Variants in DTNBP1 observed in about 807,000 individuals in gnomAD.
The protein encoded by DTNBP1 is dystrobrevin binding protein 1, also known as dysbindin.
DTNBP1 carries 35 observed loss-of-function variants against 42.8 expected under a neutral mutation model. The observed-to-expected ratio is 0.82, with a 90% CI of 0.63 to 1.09. The LOEUF is 1.09. Ranked by LOEUF, DTNBP1 falls within the 50% of genes least tolerant of loss-of-function variation. The pLI is 0.00. For synonymous variants in DTNBP1, 171 were observed against 162.2 expected, an observed-to-expected ratio of 1.05 and a Z score of -0.41; for missense variants, 457 against 424.2, an observed-to-expected ratio of 1.08 and a Z score of -0.68.
At chr6:15,602,246 G>A (rs995736661) in intron 6 of DTNBP1, among the ~76,000 whole-genome samples, 11 of 152,108 alleles carry the variant, frequency 7.2e-5, no homozygotes, top group African/African-American at 2.7e-4. Flanking sequence ...AAAAAACGGG[G>A]CCAACACAGC....
chr6:15,523,249 C>G, intron 9 of DTNBP1, 30 bp from the exon 10 acceptor site: 1 of 1,613,242 alleles, frequency 6.2e-7, no homozygotes, highest in Non-Finnish European at 8.5e-7. Flanking sequence ...AGAAAAAGCC[C>G]TGTCATAAAA....
chr6:15,572,663 G>A (rs780316136), intron 7 of DTNBP1, among the ~76,000 whole-genome samples: 11 of 152,156 alleles, frequency 7.2e-5, no homozygotes, highest in Middle Eastern at 6.3e-3. Context: ...GGGAACTGAG[G>A]CTCAGAGAGG....
At chr6:15,529,036 GC>G (rs1389287897) in intron 8 of DTNBP1, among the ~76,000 whole-genome samples, 1 of 152,226 alleles carries the variant, frequency 6.6e-6, no homozygotes, top group Non-Finnish European at 1.5e-5. Flanking sequence ...TGTAATCCCA[GC>G]ACTCTGGGAG....
In DTNBP1 at chr6:15,587,426, C is replaced by T. The variant is rs115587560; in HGVS notation, c.511+5633G>A. On this transcript the variant is annotated intron_variant, in intron 7 of 9. Transcript: ENST00000344537. This position sits in a 1 kb window ranked among gnomAD's most constrained non-coding sequence, Gnocchi z 4.1. ...TGATCCTAAAATTTATATGAAAAGA[C>T]GAAGGACCTTAAATATTAAATAGTC... is the stretch of plus-strand genomic sequence containing the variant. 7.2e-5 allele frequency among the ~76,000 whole-genome samples: 11 copies of T among 152,186 alleles called. No individual in the cohort carries two copies. The highest frequency in any genetic ancestry group is 3.9e-4 in the East Asian group (2 of 5,182).
chr6:15,630,162 A>G (rs540309116), intron 4 of DTNBP1, among the ~76,000 whole-genome samples: 3 of 152,336 alleles, frequency 2.0e-5, no homozygotes, highest in South Asian at 2.1e-4. Context: ...AGGTACACCA[A>G]TGATGTAGAA....
intron 7 of DTNBP1, among the ~76,000 whole-genome samples, chr6:15,546,797 G>A (rs927557141): frequency 1.3e-5 from 2 of 152,120 alleles, no homozygotes; most frequent in African/African-American, 4.8e-5. Flanking sequence ...ACATGGATGA[G>A]TCACAGTTCG....
At chr6:15,578,121 G>T (rs943107232) in intron 7 of DTNBP1, among the ~76,000 whole-genome samples, 1 of 152,230 alleles carries the variant, frequency 6.6e-6, no homozygotes, top group Non-Finnish European at 1.5e-5. Context: ...GAAGGAAGGA[G>T]TCCAGCGCCT....
At chr6:15,658,534 C>T (rs1285996690) in intron 1 of DTNBP1, among the ~76,000 whole-genome samples, 1 of 152,032 alleles carries the variant, frequency 6.6e-6, no homozygotes, top group Non-Finnish European at 1.5e-5. Flanking sequence ...GTTTTTTTAT[C>T]CCCAACCACA....
chr6:15,632,999 C>T (rs937492747), intron 4 of DTNBP1, among the ~76,000 whole-genome samples: 11 of 152,136 alleles, frequency 7.2e-5, no homozygotes, highest in African/African-American at 2.4e-4. Flanking sequence ...TTTAAAACAA[C>T]GTGTGAGTAG....
At chr6:15,533,604 C>T in intron 7 of DTNBP1, 1 of 771,330 alleles carries the variant, frequency 1.3e-6, no homozygotes, top group South Asian at 1.4e-5. Context: ...AGGGTCAGGC[C>T]CTTCGTTCCA....
At chr6:15,619,877 T>C (rs1758939744) in intron 5 of DTNBP1, among the ~76,000 whole-genome samples, 1 of 151,920 alleles carries the variant, frequency 6.6e-6, no homozygotes, top group African/African-American at 2.4e-5. Context: ...ATAGTTACCC[T>C]ACTGTGCTAT....
chr6:15,649,609 C>T (rs935541495), intron 3 of DTNBP1, among the ~76,000 whole-genome samples: 1 of 152,094 alleles, frequency 6.6e-6, no homozygotes, highest in Non-Finnish European at 1.5e-5. Context: ...GTACTCAGCA[C>T]TACTAAGCTT....
intron 5 of DTNBP1, among the ~76,000 whole-genome samples, chr6:15,626,663 T>C (rs1162254494): frequency 6.6e-6 from 1 of 152,184 alleles, no homozygotes; most frequent in East Asian, 1.9e-4. Flanking sequence ...AAAAAAAGAA[T>C]ACCAACATAA....
chr6:15,662,707 A>T, intron 1 of DTNBP1, 107 bp downstream of exon 1: 1 of 1,473,864 alleles, frequency 6.8e-7, no homozygotes, highest in Non-Finnish European at 9.3e-7. Flanking sequence ...GAGGTGCGGG[A>T]CAGGACGGAC....
chr6:15,524,114 G>T, intron 9 of DTNBP1: 2 of 1,350,506 alleles, frequency 1.5e-6, no homozygotes, highest in Non-Finnish European at 9.7e-7. Flanking sequence ...CCATGGCTTT[G>T]CCCATGGCAG....
intron 7 of DTNBP1, among the ~76,000 whole-genome samples, chr6:15,581,985 A>G (rs995044419): frequency 6.6e-6 from 1 of 152,128 alleles, no homozygotes; most frequent in African/African-American, 2.4e-5. Context: ...TGCAGCATAA[A>G]TCAGCATCTT....
chr6:15,559,425 C>T (rs1026341083), intron 7 of DTNBP1, among the ~76,000 whole-genome samples: 1 of 152,134 alleles, frequency 6.6e-6, no homozygotes, highest in Non-Finnish European at 1.5e-5. Context: ...AACAACAAAC[C>T]ATTTCTCAAT....
intron 1 of DTNBP1, among the ~76,000 whole-genome samples, chr6:15,662,593 G>A (rs1475954796): frequency 6.6e-6 from 1 of 152,098 alleles, no homozygotes; most frequent in South Asian, 2.1e-4. Context: ...CCCGGTCCTG[G>A]GGGGTGCGCG....
At chr6:15,528,066 C>T (rs569989801) in intron 8 of DTNBP1, among the ~76,000 whole-genome samples, 4 of 152,286 alleles carry the variant, frequency 2.6e-5, no homozygotes, top group East Asian at 1.9e-4. Flanking sequence ...AGTGTGTCTC[C>T]GTGCAGAAAC....
Sources: gnomAD v4.1 joint callset for allele counts (sites outside exome capture counted in the v4.1 genomes callset) on GRCh38, gnomAD v4.1.1 for gene constraint, Gnocchi (gnomAD v3.1) non-coding constraint, MANE v1.5 for transcripts, NCBI Gene and HGNC (gene_info 2026-07-23, HGNC 2026-07-21) for gene names.